PCDH15: variants seen among roughly 807,000 people sequenced by gnomAD.
PCDH15 encodes protocadherin-15.
In PCDH15, 129 loss-of-function variants were observed where a neutral mutation model predicts 178.5. That is an observed-to-expected ratio of 0.72 (90% confidence interval 0.63 to 0.84). The LOEUF is 0.84. Among genes scored for constraint, PCDH15 ranks in the 40% least tolerant of loss-of-function variants. The pLI, the probability that PCDH15 is intolerant of heterozygous loss-of-function variation, is 0.00. For missense variants in PCDH15, 2,230 were observed against 2,099.9 expected (o/e 1.06, Z -1.21); for synonymous variants, 800 against 732.0 (o/e 1.09, Z -1.50).
At chr10:54,828,219 A>G (rs1488784259) in intron 3 of PCDH15, among the ~76,000 whole-genome samples, 1 of 151,948 alleles carries the variant, frequency 6.6e-6, no homozygotes, top group Non-Finnish European at 1.5e-5. Flanking sequence ...ACCCATTCAT[A>G]GAGTGCAGGA....
chr10:53,866,612 C>T (rs767413105), intron 27 of PCDH15, 30 bp downstream of exon 27: 3 of 1,561,968 alleles, frequency 1.9e-6, no homozygotes, highest in Non-Finnish European at 2.6e-6. Flanking sequence ...ATCGTAGCTA[C>T]TTCCCTTTCC....
chr10:54,515,424 G>A (rs982059035), intron 3 of PCDH15, among the ~76,000 whole-genome samples: 1 of 152,212 alleles, frequency 6.6e-6, no homozygotes. Context: ...GACAGGCTGG[G>A]GGAGGGGCGC....
upstream of PCDH15, among the ~76,000 whole-genome samples, chr10:54,804,946 T>TATATATATATATATATAC (rs1952754966): frequency 7.3e-6 from 1 of 136,438 alleles, no homozygotes; most frequent in African/African-American, 2.7e-5. Context: ...TATATATATA[T>TATATATATATATATATAC]ATACAGAGTT....
chr10:55,566,367 G>A (rs539021077), intron 2 of PCDH15, among the ~76,000 whole-genome samples: 1 of 151,250 alleles, frequency 6.6e-6, no homozygotes, highest in Non-Finnish European at 1.5e-5. Context: ...ATAGTCAATC[G>A]TGAAAAACTT....
At chr10:54,918,803 A>G (rs1169804577) in intron 2 of PCDH15, among the ~76,000 whole-genome samples, 3 of 152,306 alleles carry the variant, frequency 2.0e-5, no homozygotes, top group Admixed American at 6.5e-5. Context: ...ATGCTCCTCA[A>G]CTTATGATGG....
chr10:55,423,485 AC>A (rs573386220), intron 2 of PCDH15, among the ~76,000 whole-genome samples: 119 of 152,192 alleles, frequency 7.8e-4, no homozygotes, highest in African/African-American at 2.7e-3. Context: ...AACCAAAAAA[AC>A]ATACATGTGC....
intron 1 of PCDH15, among the ~76,000 whole-genome samples, chr10:54,681,450 G>A (rs893185568): frequency 2.6e-5 from 4 of 151,498 alleles, no homozygotes; most frequent in African/African-American, 9.7e-5. Flanking sequence ...TGTGGCTAAA[G>A]AGATAAGAAG....
Position 54,624,600 on chromosome 10 carries a change from C to T in PCDH15, c.91+39572G>A, listed in dbSNP as rs1472960422. Among the ~76,000 whole-genome samples the T allele has an allele frequency of 3.3e-5, 5 of 152,248 alleles. No homozygotes were observed. In the East Asian group the frequency reaches 9.7e-4, roughly 29 times the overall value. On this transcript the variant is annotated intron_variant, in intron 2 of 37. Coordinates refer to ENST00000644397, the MANE Select transcript of PCDH15 (RefSeq NM_001384140.1). ...GGTTCCCAATCCCTGGGCCATGGAC[C>T]AGTATGGGTCTGTGGCCCGTTAGGA...
chr10:54,304,250 G>T (rs1002909544), intron 8 of PCDH15, among the ~76,000 whole-genome samples: 2 of 151,998 alleles, frequency 1.3e-5, no homozygotes, highest in Non-Finnish European at 2.9e-5. Flanking sequence ...CAAGGAAATC[G>T]CACTGAAAAC....
intron 1 of PCDH15, among the ~76,000 whole-genome samples, chr10:54,780,197 G>A (rs921665882): frequency 6.6e-6 from 1 of 152,118 alleles, no homozygotes; most frequent in Non-Finnish European, 1.5e-5. Context: ...TCACTTTTGA[G>A]CAAGCCAGCA....
intron 2 of PCDH15, among the ~76,000 whole-genome samples, chr10:55,344,720 G>T (rs1028973847): frequency 2.0e-5 from 3 of 152,026 alleles, no homozygotes; most frequent in Non-Finnish European, 4.4e-5. Flanking sequence ...ATAGGCAGTT[G>T]ATTATAGACT....
At chr10:54,400,015 A>C (rs908628637) in intron 3 of PCDH15, among the ~76,000 whole-genome samples, 16 of 152,076 alleles carry the variant, frequency 1.1e-4, no homozygotes, top group Admixed American at 3.9e-4. Context: ...AGTTGAAGAA[A>C]CAGAGATGAA....
chr10:54,058,628 T>C (rs555166883), intron 18 of PCDH15, among the ~76,000 whole-genome samples: 3 of 152,210 alleles, frequency 2.0e-5, no homozygotes, highest in African/African-American at 7.2e-5. Context: ...CCCCAAACCA[T>C]ATGGTTGGGG....
chr10:54,460,749 G>A (rs1045414151), intron 3 of PCDH15, among the ~76,000 whole-genome samples: 3 of 152,040 alleles, frequency 2.0e-5, no homozygotes, highest in African/African-American at 7.2e-5. Context: ...ATGAGATAAG[G>A]AAAATGGAGA....
chr10:53,924,028 C>T (rs554151158), intron 25 of PCDH15, among the ~76,000 whole-genome samples: 2 of 151,932 alleles, frequency 1.3e-5, no homozygotes, highest in Admixed American at 6.6e-5. Context: ...TGGCAGCCCT[C>T]GCAGCCCTCG....
chr10:55,613,572 A>G (rs1030747264), intron 2 of PCDH15, among the ~76,000 whole-genome samples: 5 of 152,222 alleles, frequency 3.3e-5, no homozygotes, highest in African/African-American at 1.2e-4. Flanking sequence ...AAGTTCACAC[A>G]TAAGGATAAT....
chr10:53,911,626 C>A (rs2083094155), intron 25 of PCDH15, among the ~76,000 whole-genome samples: 1 of 152,100 alleles, frequency 6.6e-6, no homozygotes, highest in Admixed American at 6.6e-5. Context: ...GATAGAAACA[C>A]AAAGAACCCT....
In PCDH15 at chr10:53,806,365, T is replaced by C; in HGVS notation, c.*214A>G. ...AATGTTTAAACGATAGGTTATTTAGTGAAAGTATGTCCAAAAGGATTTTCT... is the reference window on the plus strand; with the variant it reads ...AATGTTTAAACGATAGGTTATTTAGCGAAAGTATGTCCAAAAGGATTTTCT... On this transcript the variant is annotated 3_prime_UTR_variant, in exon 38 of 38. Coordinates refer to ENST00000644397, the MANE Select transcript of PCDH15 (RefSeq NM_001384140.1). The C allele has an allele frequency of 6.0e-6, 3 of 496,866 alleles. No homozygotes were observed. 30.8% of individuals were successfully genotyped at this position (496,866 alleles called of 1,614,324 possible).
chr10:55,463,989 AAGAGAAAGAAAGAAAGAAAGAAAG>A (rs1839762687), intron 2 of PCDH15, among the ~76,000 whole-genome samples: 10 of 17,296 alleles, frequency 5.8e-4, no homozygotes, highest in African/African-American at 2.0e-3. Flanking sequence ...GAAAGAAAGA[AAGAGAAAGAAAGAAAGAAAGAAAG>A]AAAGAAAGAA....
Sources: gnomAD v4.1 joint callset for allele counts (sites outside exome capture counted in the v4.1 genomes callset) on GRCh38, gnomAD v4.1.1 for gene constraint, MANE v1.5 for transcripts, NCBI Gene and HGNC (gene_info 2026-07-23, HGNC 2026-07-21) for gene names.